The following CCDC191 variants were observed in gnomAD, a reference collection of about 807,000 sequenced individuals.
The protein encoded by CCDC191 is coiled-coil domain containing 191.
A neutral mutation model predicts 114.0 loss-of-function variants in CCDC191; 99 were observed. The ratio of observed to expected loss-of-function variants is 0.87; its 90% CI spans 0.74 to 1.03. The LOEUF is 1.03. Ranked by LOEUF, CCDC191 falls within the 50% of genes least tolerant of loss-of-function variation. CCDC191 has a pLI of 0.00. For missense variants in CCDC191, 973 were observed against 1,087.0 expected (o/e 0.90, Z 1.47); for synonymous variants, 351 against 376.0 (o/e 0.93, Z 0.77).
intron 2 of CCDC191, among the ~76,000 whole-genome samples, chr3:114,048,463 C>T: frequency 6.6e-6 from 1 of 152,196 alleles, no homozygotes; most frequent in East Asian, 1.9e-4. Flanking sequence ...TCTCGCTAAT[C>T]TTCCCTTTGC....
chr3:113,999,501 A>C (rs2075809885), intron 13 of CCDC191, among the ~76,000 whole-genome samples: 2 of 152,172 alleles, frequency 1.3e-5, no homozygotes, highest in Admixed American at 1.3e-4. Context: ...TAGTATTAAC[A>C]TTGTCCTGTA....
chr3:113,997,133 G>A (rs1322680660), intron 13 of CCDC191, among the ~76,000 whole-genome samples: 1 of 152,146 alleles, frequency 6.6e-6, no homozygotes, highest in East Asian at 1.9e-4. Context: ...TTCTGAAACT[G>A]CTTTACATCT....
chr3:113,984,796 A>G (rs1268513172), intron 13 of CCDC191: 1 of 152,228 alleles, frequency 6.6e-6, no homozygotes, highest in Non-Finnish European at 1.5e-5. Flanking sequence ...ATATAGTGAG[A>G]GAAATAAAAT....
chr3:114,027,447 C>T (rs1198006190), intron 7 of CCDC191, among the ~76,000 whole-genome samples: 1 of 60,942 alleles, frequency 1.6e-5, no homozygotes, highest in Non-Finnish European at 3.1e-5. Context: ...AACTCCGTCT[C>T]TACTAAAGAT....
chr3:114,048,328 T>C (rs1302470886), intron 2 of CCDC191, among the ~76,000 whole-genome samples: 2 of 152,222 alleles, frequency 1.3e-5, no homozygotes, highest in Non-Finnish European at 2.9e-5. Context: ...GAAAGCCACA[T>C]AATGTGTGTC....
rs1251943310 is a variant in CCDC191 at position 113,965,151 on chromosome 3, T to G, written c.*4A>C. 6.3e-7 allele frequency: 1 copy of G among 1,586,550 alleles called. No homozygotes were observed. On this transcript the variant is annotated 3_prime_UTR_variant, in exon 17 of 17. Coordinates refer to ENST00000295878, the MANE Select transcript of CCDC191 (RefSeq NM_020817.2). ...TCCTGTCCTAAATATTACACTAATC[T>G]GGCTCATTCGTTCACCAGACTTGTC...
intron 3 of CCDC191, among the ~76,000 whole-genome samples, chr3:114,043,458 T>C (rs888857920): frequency 2.0e-5 from 3 of 152,148 alleles, no homozygotes; most frequent in Non-Finnish European, 2.9e-5. Context: ...GGGGAAGCAA[T>C]ACTACTGTCT....
intron 16 of CCDC191, among the ~76,000 whole-genome samples, chr3:113,973,966 A>G (rs988743210): frequency 5.4e-5 from 8 of 149,324 alleles, no homozygotes; most frequent in African/African-American, 1.7e-4. Flanking sequence ...GGCTGTCTTC[A>G]TTCCTTTTCT....
rs199688661 is a variant in CCDC191, at chr3:113,982,859, A to AAC, written c.2164-2067_2164-2066insGT. Among the ~76,000 whole-genome samples, 137 of 149,420 alleles carry AAC rather than the reference A, an allele frequency of 9.2e-4. 3 individuals carry two copies. In the East Asian group the frequency reaches 0.015, roughly 16 times the overall value. Reference sequence around the variant, plus strand: ...CTCCCCTCTTCAAAACAAAAAAACAAAAAAAAAAAAACCAAAAATAAAAAA... The same window carrying AAC: ...CTCCCCTCTTCAAAACAAAAAAACAAACAAAAAAAAAAACCAAAAATAAAAAA... On this transcript the variant is annotated intron_variant, in intron 13 of 16. Coordinates refer to ENST00000295878, the MANE Select transcript of CCDC191 (RefSeq NM_020817.2).
At chr3:114,019,058 T>C (rs1301080867) in intron 7 of CCDC191, among the ~76,000 whole-genome samples, 190 bp from the exon 8 acceptor site, 1 of 152,204 alleles carries the variant, frequency 6.6e-6, no homozygotes, top group Non-Finnish European at 1.5e-5. Flanking sequence ...TATTCAATCA[T>C]GCAAATGAGG....
chr3:114,026,497 G>A (rs868770415), intron 7 of CCDC191, among the ~76,000 whole-genome samples: 5 of 152,164 alleles, frequency 3.3e-5, no homozygotes, highest in African/African-American at 1.2e-4. Context: ...TTTCTAAAGA[G>A]GCTTTTCCTT....
chr3:113,984,960 C>T (rs888456147), intron 13 of CCDC191, among the ~76,000 whole-genome samples: 1 of 152,134 alleles, frequency 6.6e-6, no homozygotes, highest in Non-Finnish European at 1.5e-5. Context: ...CAGGCATCTT[C>T]AGGGAGGCAC....
chr3:113,989,276 AAG>A (rs1446317892), intron 13 of CCDC191, among the ~76,000 whole-genome samples: 1 of 152,352 alleles, frequency 6.6e-6, no homozygotes, highest in East Asian at 1.9e-4. Context: ...TAGATACCGT[AAG>A]ACACAGTAAA....
intron 16 of CCDC191, among the ~76,000 whole-genome samples, chr3:113,975,643 T>C (rs1941268634): frequency 6.6e-6 from 1 of 152,136 alleles, no homozygotes; most frequent in South Asian, 2.1e-4. Context: ...GTGAAGGAAG[T>C]AGGGCAGTTT....
intron 16 of CCDC191, among the ~76,000 whole-genome samples, chr3:113,971,098 G>T (rs915430238): frequency 6.6e-6 from 1 of 152,164 alleles, no homozygotes; most frequent in Non-Finnish European, 1.5e-5. Context: ...GGATGGGTGG[G>T]TCAAATGGTA....
At chr3:114,009,345 C>G (rs2076027640) in intron 9 of CCDC191, among the ~76,000 whole-genome samples, 1 of 152,002 alleles carries the variant, frequency 6.6e-6, no homozygotes, top group South Asian at 2.1e-4. Flanking sequence ...TATAAAGTAA[C>G]AGCTTAAAAC....
intron 16 of CCDC191, among the ~76,000 whole-genome samples, chr3:113,977,803 C>T (rs2074981527): frequency 1.3e-5 from 2 of 152,152 alleles, no homozygotes; most frequent in Admixed American, 6.5e-5. Flanking sequence ...AAGCACTTTT[C>T]TATATTTGTC....
Position 114,002,520 on chromosome 3 carries a change from A to G in CCDC191, c.1997T>C (p.Ile666Thr). The change falls in exon 12 of 17, where the codon ATT becomes ACT. Residue 666 changes from isoleucine (I) to threonine (T), a missense_variant. Ile to Thr is a moderately conservative substitution (Grantham distance 89). Transcript: ENST00000295878. Reference protein sequence around the residue: ...PILKAMEERAIQRAECRRILA... With the variant: ...PILKAMEERATQRAECRRILA... ...GATCCGCCTACATTCAGCTCGTTGA[A>G]TTGCTCTCTCTTCCATAGCTAGAAA... 1 of 1,610,630 alleles carries G rather than the reference A, an allele frequency of 6.2e-7. No individual in the cohort carries two copies. Among genetic ancestry groups the G allele is most frequent in the Non-Finnish European group, 8.5e-7 (1 of 1,178,670 alleles).
chr3:114,022,919 G>T (rs1385334701), intron 7 of CCDC191, among the ~76,000 whole-genome samples: 1 of 152,150 alleles, frequency 6.6e-6, no homozygotes, highest in African/African-American at 2.4e-5. Flanking sequence ...AAGTCAAATT[G>T]TCCCTGTTTG....
Sources: allele counts gnomAD v4.1 joint callset (sites outside exome capture counted in the v4.1 genomes callset), GRCh38; gene constraint gnomAD v4.1.1; transcripts MANE v1.5; gene names NCBI Gene and HGNC (gene_info 2026-07-23, HGNC 2026-07-21).